SGCZ: variants seen among roughly 807,000 people sequenced by gnomAD.
SGCZ encodes sarcoglycan zeta.
Under a neutral mutation model 41.3 loss-of-function variants are expected in SGCZ, and 40 were observed. The ratio of observed to expected loss-of-function variants is 0.97; its 90% confidence interval spans 0.75 to 1.26. SGCZ has a LOEUF of 1.26. Among genes scored for constraint, SGCZ ranks in the 50% most tolerant of loss-of-function variants. SGCZ has a pLI of 0.00. For synonymous variants in SGCZ, 206 were observed against 137.5 expected (o/e 1.50, Z -3.49); for missense variants, 552 against 369.8 (o/e 1.49, Z -4.04).
In SGCZ at chr8:15,213,343, T is replaced by G. The variant is rs568675635; in HGVS notation, c.39+24242A>C. 3.9e-5 allele frequency among the ~76,000 whole-genome samples: 6 copies of G among 151,906 alleles called. No individual in the cohort carries two copies. The South Asian group carries it at 8.3e-4, about 21-fold the overall frequency. ...CAGAAGTAAAATATACACAAAAAAT[T>G]TTTTTCCCTTTGGGTAATTATATAG... On this transcript the variant is annotated intron_variant, in intron 1 of 7. Transcript: ENST00000382080.
chr8:14,730,717 G>A (rs1389116173), intron 1 of SGCZ, among the ~76,000 whole-genome samples: 1 of 151,678 alleles, frequency 6.6e-6, no homozygotes, highest in Non-Finnish European at 1.5e-5. Context: ...GTTCACCAAG[G>A]CACCTCCATT....
intron 2 of SGCZ, among the ~76,000 whole-genome samples, chr8:14,386,079 C>T (rs1170585773): frequency 6.6e-6 from 1 of 151,586 alleles, no homozygotes; most frequent in Non-Finnish European, 1.5e-5. Flanking sequence ...AATATTTTTT[C>T]CAAATATATT....
chr8:14,859,955 G>A (rs1384298159), intron 1 of SGCZ, among the ~76,000 whole-genome samples: 2 of 152,114 alleles, frequency 1.3e-5, no homozygotes, highest in Non-Finnish European at 2.9e-5. Flanking sequence ...TGTCTTGAAT[G>A]ACTCTATAAT....
chr8:14,662,282 G>A (rs1023921643), intron 1 of SGCZ, among the ~76,000 whole-genome samples: 7 of 152,144 alleles, frequency 4.6e-5, no homozygotes, highest in African/African-American at 1.7e-4. Flanking sequence ...GATTCAAACA[G>A]ATGTTATTTC....
chr8:14,354,727 C>T (rs1449704080), intron 2 of SGCZ, among the ~76,000 whole-genome samples: 2 of 151,520 alleles, frequency 1.3e-5, no homozygotes, highest in African/African-American at 2.4e-5. Flanking sequence ...ACAAAAGACA[C>T]GATTTTTTAA....
At chr8:15,019,036 T>G (rs1803150418) in intron 1 of SGCZ, among the ~76,000 whole-genome samples, 2 of 152,176 alleles carry the variant, frequency 1.3e-5, no homozygotes, top group African/African-American at 2.4e-5. Context: ...CTAGATCTCA[T>G]GAGAACTCAC....
At chr8:14,318,299 C>T (rs560802621) in intron 3 of SGCZ, among the ~76,000 whole-genome samples, 2 of 151,926 alleles carry the variant, frequency 1.3e-5, no homozygotes, top group East Asian at 1.9e-4. Flanking sequence ...TAATACTATA[C>T]ATCAAACTCC....
intron 1 of SGCZ, among the ~76,000 whole-genome samples, chr8:14,687,576 T>C (rs1294276156): frequency 6.6e-6 from 1 of 151,968 alleles, no homozygotes; most frequent in Non-Finnish European, 1.5e-5. Flanking sequence ...TGCCACATTT[T>C]CTTAATCCAG....
intron 2 of SGCZ, among the ~76,000 whole-genome samples, chr8:14,504,601 GT>G (rs1302248223): frequency 1.3e-5 from 2 of 151,864 alleles, no homozygotes; most frequent in Non-Finnish European, 2.9e-5. Context: ...TTGTTTCTTT[GT>G]TTTTTCTGTT....
At chr8:14,838,122 G>A (rs1802767272) in intron 1 of SGCZ, among the ~76,000 whole-genome samples, 1 of 152,138 alleles carries the variant, frequency 6.6e-6, no homozygotes, top group African/African-American at 2.4e-5. Context: ...TCACTCATAT[G>A]CGGGATAGAG....
At chr8:15,108,839 T>C (rs1455671133) in intron 1 of SGCZ, among the ~76,000 whole-genome samples, 1 of 152,218 alleles carries the variant, frequency 6.6e-6, no homozygotes, top group Admixed American at 6.5e-5. Context: ...AATATATTTA[T>C]TACTTTGCTA....
intron 1 of SGCZ, among the ~76,000 whole-genome samples, chr8:14,790,026 G>A (rs956369589): frequency 6.6e-5 from 10 of 151,994 alleles, no homozygotes; most frequent in African/African-American, 2.4e-4. Flanking sequence ...AATGTAAATT[G>A]AATACTTAAA....
At chr8:14,664,730 A>T (rs1275261874) in intron 1 of SGCZ, among the ~76,000 whole-genome samples, 3 of 152,218 alleles carry the variant, frequency 2.0e-5, no homozygotes, top group African/African-American at 7.2e-5. Flanking sequence ...CTGATTTTAA[A>T]AATCTAATAT....
At chr8:14,939,227 T>C (rs1276823464) in intron 1 of SGCZ, among the ~76,000 whole-genome samples, 1 of 152,168 alleles carries the variant, frequency 6.6e-6, no homozygotes, top group Non-Finnish European at 1.5e-5. Context: ...GAGTTAGTCC[T>C]GACCCAGATC....
chr8:14,488,817 A>G (rs1036200713), intron 2 of SGCZ, among the ~76,000 whole-genome samples: 2 of 152,156 alleles, frequency 1.3e-5, no homozygotes, highest in African/African-American at 2.4e-5. Flanking sequence ...CTCTTTTGCA[A>G]TAGTCTTAAA....
intron 3 of SGCZ, among the ~76,000 whole-genome samples, chr8:14,308,773 A>G (rs1801427115): frequency 6.6e-6 from 1 of 152,072 alleles, no homozygotes; most frequent in East Asian, 1.9e-4. Context: ...AATTTGTAAC[A>G]CACTATTTCT....
At chr8:14,286,963 C>G (rs1280242822) in intron 3 of SGCZ, among the ~76,000 whole-genome samples, 1 of 151,856 alleles carries the variant, frequency 6.6e-6, no homozygotes, top group Non-Finnish European at 1.5e-5. Flanking sequence ...TTCTTCATTA[C>G]CAGTGAGTTT....
At chr8:14,142,735 G>T (rs1337483956) in intron 5 of SGCZ, among the ~76,000 whole-genome samples, 1 of 152,062 alleles carries the variant, frequency 6.6e-6, no homozygotes, top group Non-Finnish European at 1.5e-5. Context: ...CGAGGCCATG[G>T]AGGTGGCTTC....
chr8:15,122,502 C>T (rs751722080), intron 1 of SGCZ, among the ~76,000 whole-genome samples: 78 of 152,128 alleles, frequency 5.1e-4, no homozygotes, highest in Middle Eastern at 6.8e-3. Context: ...AAAATTTTTA[C>T]ATGGGAAAGG....
Sources: allele counts gnomAD v4.1 joint callset (sites outside exome capture counted in the v4.1 genomes callset), GRCh38; gene constraint gnomAD v4.1.1; transcripts MANE v1.5; gene names NCBI Gene and HGNC (gene_info 2026-07-23, HGNC 2026-07-21).